TIAM1: variants seen among roughly 807,000 people sequenced by gnomAD.
TIAM1 encodes rho guanine nucleotide exchange factor TIAM1.
Under a neutral mutation model 163.5 loss-of-function variants are expected in TIAM1, and 65 were observed. That is an observed-to-expected ratio of 0.40 (90% CI 0.33 to 0.49). TIAM1 has a LOEUF of 0.49. TIAM1 is among the 20% of genes least tolerant of loss of function. The pLI is 0.77. For missense variants in TIAM1, 1,789 were observed against 2,044.7 expected (o/e 0.87, Z 2.41); for synonymous variants, 833 against 810.1 (o/e 1.03, Z -0.48).
At chr21:31,181,753 CT>C (rs1375635756) in intron 15 of TIAM1, among the ~76,000 whole-genome samples, 5 of 39,490 alleles carry the variant, frequency 1.3e-4, no homozygotes, top group African/African-American at 3.8e-4. Context: ...TCTTCTTCTT[CT>C]TCTTTTTTTT....
intron 12 of TIAM1, among the ~76,000 whole-genome samples, chr21:31,201,312 C>T (rs2086188651): frequency 6.6e-6 from 1 of 152,146 alleles, no homozygotes; most frequent in Non-Finnish European, 1.5e-5. Flanking sequence ...ATACATCAGC[C>T]CTCTCTGTTA....
chr21:31,498,219 T>C (rs947387935), intron 1 of TIAM1, among the ~76,000 whole-genome samples: 5 of 152,214 alleles, frequency 3.3e-5, no homozygotes, highest in Non-Finnish European at 5.9e-5. Context: ...ACGCAAGAGC[T>C]TTCCAAGATG....
At chr21:31,153,580 T>C (rs749067234) in intron 17 of TIAM1, among the ~76,000 whole-genome samples, 8 of 152,164 alleles carry the variant, frequency 5.3e-5, no homozygotes, top group Non-Finnish European at 8.8e-5. Flanking sequence ...TGACCAGGTG[T>C]CAGAACAAGT....
chr21:31,499,705 C>T (rs796125573), intron 1 of TIAM1, among the ~76,000 whole-genome samples: 25 of 151,974 alleles, frequency 1.6e-4, no homozygotes, highest in African/African-American at 6.0e-4. Context: ...CAAAAATTAG[C>T]CAGGTGTGGT....
At chr21:31,417,255 C>CA (rs1602228880) in intron 2 of TIAM1, among the ~76,000 whole-genome samples, 1 of 152,152 alleles carries the variant, frequency 6.6e-6, no homozygotes, top group African/African-American at 2.4e-5. Flanking sequence ...CTCCTGACCT[C>CA]AGGTGATCTG....
At chr21:31,269,152 G>T (rs1024565480) in intron 3 of TIAM1, among the ~76,000 whole-genome samples, 2 of 152,180 alleles carry the variant, frequency 1.3e-5, no homozygotes, top group African/African-American at 4.8e-5. Flanking sequence ...GCTTGTTTCT[G>T]CCAACAGAAA....
chr21:31,380,361 T>C (rs988577227), intron 2 of TIAM1, among the ~76,000 whole-genome samples: 1 of 152,174 alleles, frequency 6.6e-6, no homozygotes, highest in African/African-American at 2.4e-5. Flanking sequence ...CTGTCCAACA[T>C]GGTGAAACCC....
intron 2 of TIAM1, among the ~76,000 whole-genome samples, chr21:31,398,158 C>CAAAAAAAAAAAAAAAAAAAAAAAA (rs34895602): frequency 1.9e-5 from 1 of 52,508 alleles, no homozygotes; most frequent in Non-Finnish European, 3.9e-5. Context: ...ATCTTCAGGG[C>CAAAAAAAAAAAAAAAAAAAAAAAA]AAAAAAAAAA....
intron 24 of TIAM1, 41 bp from the exon 25 acceptor site, chr21:31,130,356 C>A: frequency 1.3e-6 from 2 of 1,518,152 alleles, no homozygotes; most frequent in African/African-American, 1.4e-5. Context: ...AAGAATCTAA[C>A]CTGCCCCGGA....
At chr21:31,334,812 G>A (rs924243599) in intron 2 of TIAM1, among the ~76,000 whole-genome samples, 1 of 151,992 alleles carries the variant, frequency 6.6e-6, no homozygotes, top group Non-Finnish European at 1.5e-5. Context: ...CTCCATTACC[G>A]CCCCAGCCTG....
At chr21:31,334,325 C>T (rs935388161) in intron 2 of TIAM1, among the ~76,000 whole-genome samples, 2 of 151,700 alleles carry the variant, frequency 1.3e-5, no homozygotes, top group African/African-American at 4.8e-5. Context: ...CACTCTGTTG[C>T]CCAGGCTTGA....
intron 1 of TIAM1, among the ~76,000 whole-genome samples, chr21:31,507,395 T>C (rs146293195): frequency 0.061 from 9,244 of 151,146 alleles, 736 homozygotes; most frequent in African/African-American, 0.18. Context: ...TTAGTAGAGA[T>C]GGGGTTTCAC....
intron 2 of TIAM1, among the ~76,000 whole-genome samples, chr21:31,362,421 T>A (rs757507424): frequency 6.7e-6 from 1 of 150,206 alleles, no homozygotes; most frequent in Non-Finnish European, 1.5e-5. Context: ...GAGTCATAGA[T>A]CCATTACCCA....
intron 2 of TIAM1, among the ~76,000 whole-genome samples, chr21:31,438,630 A>G (rs2044306994): frequency 6.6e-6 from 1 of 152,066 alleles, no homozygotes; most frequent in Non-Finnish European, 1.5e-5. Flanking sequence ...TTTTTCTTGC[A>G]TGTGTCCTGC....
chr21:31,350,940 C>CA (rs1235040618), intron 2 of TIAM1, among the ~76,000 whole-genome samples: 1 of 152,138 alleles, frequency 6.6e-6, no homozygotes, highest in East Asian at 1.9e-4. Flanking sequence ...ACCACAGGCA[C>CA]AAAATCAATT....
At chr21:31,460,155 A>G (rs1283629404) in intron 2 of TIAM1, among the ~76,000 whole-genome samples, 1 of 152,154 alleles carries the variant, frequency 6.6e-6, no homozygotes, top group Non-Finnish European at 1.5e-5. Flanking sequence ...AGCTGAAGCC[A>G]CTGCCCATTT....
chr21:31,289,721 T>C (rs2073943096), intron 2 of TIAM1, among the ~76,000 whole-genome samples: 1 of 152,210 alleles, frequency 6.6e-6, no homozygotes, highest in Admixed American at 6.5e-5. Flanking sequence ...CATAAGAGGA[T>C]AATCAGCCTC....
chr21:31,400,349 C>G (rs1286231608), intron 2 of TIAM1, among the ~76,000 whole-genome samples: 1 of 152,098 alleles, frequency 6.6e-6, no homozygotes, highest in Non-Finnish European at 1.5e-5. Context: ...AAGCTGGTCT[C>G]AAACTCCTGA....
intron 11 of TIAM1, among the ~76,000 whole-genome samples, chr21:31,204,046 A>G (rs1464043680): frequency 6.6e-6 from 1 of 152,252 alleles, no homozygotes; most frequent in East Asian, 1.9e-4. Flanking sequence ...ATTAATTTTG[A>G]GGAATAAGTA....
Sources: gnomAD v4.1 joint callset for allele counts (sites outside exome capture counted in the v4.1 genomes callset) on GRCh38, gnomAD v4.1.1 for gene constraint, MANE v1.5 for transcripts, NCBI Gene and HGNC (gene_info 2026-07-23, HGNC 2026-07-21) for gene names.